Variants in SLC66A2 observed in about 807,000 individuals in gnomAD.
SLC66A2 encodes solute carrier family 66 member 2, also known as PQ loop repeat containing 1.
In SLC66A2, 23 loss-of-function variants were observed where a neutral mutation model predicts 25.5. The ratio of observed to expected loss-of-function variants is 0.90; its 90% CI spans 0.65 to 1.28. The LOEUF is 1.28. Among genes scored for constraint, SLC66A2 ranks in the 50% most tolerant of loss-of-function variants. SLC66A2 has a pLI of 0.00. For missense variants in SLC66A2, 396 were observed against 373.1 expected (o/e 1.06, Z -0.51); for synonymous variants, 193 against 166.5 (o/e 1.16, Z -1.23).
chr18:79,951,058 C>G, intron 1 of SLC66A2, 33 bp from the exon 2 acceptor site: 1 of 607,610 alleles, frequency 1.6e-6, no homozygotes. Flanking sequence ...CGAGTTCCGC[C>G]CAGGGAGGCT....
At chr18:79,905,509 TG>T (rs1981987915) in intron 5 of SLC66A2, among the ~76,000 whole-genome samples, 2 of 152,190 alleles carry the variant, frequency 1.3e-5, no homozygotes, top group South Asian at 4.1e-4. Flanking sequence ...TGACTTGGGG[TG>T]GGGCTCCGGG....
At chr18:79,945,013 G>A (rs2050881743) in intron 2 of SLC66A2, 1 of 153,112 alleles carries the variant, frequency 6.5e-6, no homozygotes, top group East Asian at 1.9e-4. Flanking sequence ...CAGGAACAGG[G>A]GGAACCCCAT....
At chr18:79,905,395 G>T (rs1203772347) in intron 5 of SLC66A2, among the ~76,000 whole-genome samples, 1 of 152,222 alleles carries the variant, frequency 6.6e-6, no homozygotes, top group Non-Finnish European at 1.5e-5. Context: ...GGTAGCACCG[G>T]GGGAAGGTGG....
At chr18:79,910,172 C>T (rs1982853748) in intron 5 of SLC66A2, among the ~76,000 whole-genome samples, 1 of 119,418 alleles carries the variant, frequency 8.4e-6, no homozygotes, top group African/African-American at 3.3e-5. Context: ...ACATCCTCAC[C>T]ATAGAGTCCC....
In SLC66A2 at chr18:79,937,909, C is replaced by A. The variant is rs1433469232; in HGVS notation, c.338-3887G>T. Among the ~76,000 whole-genome samples, 1 of 152,116 alleles carries A rather than the reference C, an allele frequency of 6.6e-6. No homozygotes were observed. Among genetic ancestry groups the A allele is most frequent in the African/African-American group, 2.4e-5 (1 of 41,406 alleles). The stretch of plus-strand genomic sequence containing the variant: ...AATCTTGTTAAAAATGCAGGTGGCA[C>A]TGATGCCGCAATACAGACCACGGGC... On this transcript the variant is annotated intron_variant, in intron 3 of 5. Transcript: ENST00000397778. The surrounding 1 kb of genome is among the most constrained non-coding windows in gnomAD (Gnocchi z 5.4).
Position 79,940,124 on chromosome 18 carries a change from A to G in SLC66A2, c.337+3205T>C, listed in dbSNP as rs962878624. 3.3e-5 allele frequency among the ~76,000 whole-genome samples: 5 copies of G among 152,202 alleles called. No individual in the cohort carries two copies. Among genetic ancestry groups the G allele is most frequent in the African/African-American group, 9.7e-5 (4 of 41,444 alleles). On this transcript the variant is annotated intron_variant, in intron 3 of 5. Transcript: ENST00000397778. This position sits in a 1 kb window ranked among gnomAD's most constrained non-coding sequence, Gnocchi z 4.1. ...AGGCCATCATCCTTAGCAAACTAAC[A>G]CGGGAACAGAAGACCAAATGCCGCA... is the stretch of plus-strand genomic sequence containing the variant.
rs1372516346 is a variant in SLC66A2 at position 79,940,898 on chromosome 18, C to G, written c.337+2431G>C. ...ATGTCCCACTTGAGGTCATTTGGGGCCCAGGAGTCATGCAGCTTGGTTCTC... is the reference window on the plus strand; with the variant it reads ...ATGTCCCACTTGAGGTCATTTGGGGGCCAGGAGTCATGCAGCTTGGTTCTC... On this transcript the variant is annotated intron_variant, in intron 3 of 5. Transcript: ENST00000397778. The surrounding 1 kb of genome is among the most constrained non-coding windows in gnomAD (Gnocchi z 4.1). Among the ~76,000 whole-genome samples the G allele has an allele frequency of 6.6e-6, 1 of 152,140 alleles. No homozygotes were observed. Among genetic ancestry groups the G allele is most frequent in the Non-Finnish European group, 1.5e-5 (1 of 68,030 alleles).
chr18:79,944,572 C>A (rs1374915702), intron 2 of SLC66A2: 1 of 152,392 alleles, frequency 6.6e-6, no homozygotes, highest in East Asian at 1.9e-4. Context: ...GGGACACATG[C>A]CTGCAGAGCC....
intron 5 of SLC66A2, among the ~76,000 whole-genome samples, chr18:79,910,014 A>G (rs1183351626): frequency 1.4e-4 from 10 of 69,336 alleles, no homozygotes; most frequent in Non-Finnish European, 2.8e-4. Context: ...CCTTCCCCAC[A>G]CCCTCACCAG....
rs1014045937 is a variant in SLC66A2 at position 79,927,703 on chromosome 18, AG to A, written c.391+6265del. 1.3e-4 allele frequency among the ~76,000 whole-genome samples: 20 copies of A among 152,072 alleles called. No homozygotes were observed. The highest frequency in any genetic ancestry group is 5.2e-4 in the Admixed American group (8 of 15,282). ...AGTGGGACAGGCTGAGTGGGGACTGAGCACGTCTAGGGCCAGAGTGGGAGGG... is the reference window on the plus strand; with the variant it reads ...AGTGGGACAGGCTGAGTGGGGACTGACACGTCTAGGGCCAGAGTGGGAGGG... On this transcript the variant is annotated intron_variant, in intron 4 of 5. Coordinates refer to ENST00000397778, the MANE Select transcript of SLC66A2 (RefSeq NM_025078.5). The surrounding 1 kb of genome is among the most constrained non-coding windows in gnomAD (Gnocchi z 6.2).
rs568505641 is a variant in SLC66A2 at position 79,927,262 on chromosome 18, G to A, written c.391+6707C>T. 4.1e-4 allele frequency among the ~76,000 whole-genome samples: 62 copies of A among 151,798 alleles called. No individual in the cohort carries two copies. The highest frequency in any genetic ancestry group is 3.4e-3 in the Middle Eastern group (1 of 294). On this transcript the variant is annotated intron_variant, in intron 4 of 5. Coordinates refer to ENST00000397778, the MANE Select transcript of SLC66A2 (RefSeq NM_025078.5). This position sits in a 1 kb window ranked among gnomAD's most constrained non-coding sequence, Gnocchi z 6.2. ...GGCAGGGCTCAGCAGGACCCCAGGC[G>A]GGCACACAGGGGCTCATCTGGAGGG...
chr18:79,940,086 C>T lies in SLC66A2; in HGVS notation c.337+3243G>A, dbSNP rs1246373418. 6.6e-6 allele frequency among the ~76,000 whole-genome samples: 1 copy of T among 152,156 alleles called. No homozygotes were observed. Among genetic ancestry groups the T allele is most frequent in the Non-Finnish European group, 1.5e-5 (1 of 68,044 alleles). ...CAAGATCGTATCCTTTAGAGGAGCA[C>T]AGATGGAGCTGGAGGCCATCATCCT... On this transcript the variant is annotated intron_variant, in intron 3 of 5. Transcript: ENST00000397778. This position sits in a 1 kb window ranked among gnomAD's most constrained non-coding sequence, Gnocchi z 4.1.
chr18:79,948,348 G>A (rs1337906528), intron 2 of SLC66A2, among the ~76,000 whole-genome samples: 1 of 152,004 alleles, frequency 6.6e-6, no homozygotes, highest in Non-Finnish European at 1.5e-5. Flanking sequence ...ATGGACATTA[G>A]ATAGATTCTT....
At chr18:79,909,477 C>G (rs952323467) in intron 5 of SLC66A2, among the ~76,000 whole-genome samples, 9 of 151,610 alleles carry the variant, frequency 5.9e-5, no homozygotes, top group African/African-American at 1.9e-4. Context: ...CCAGAGTCCC[C>G]AACCTTCCCC....
rs1408855595 is a variant in SLC66A2 at position 79,904,167 on chromosome 18, T to G, written c.625A>C (p.Met209Leu). ...TEGMSIKMVLMWTSGDAFKTA... is the reference protein window; with the variant it reads ...TEGMSIKMVLLWTSGDAFKTA... ...TTGAAGGCGTCACCACTGGTCCACA[T>G]GAGCACCATCTTGATGCTGTGGAGA... Residue 209 changes from methionine to leucine, a missense_variant, in exon 6 of 6, where the codon ATG becomes CTG. Met to Leu is a conservative substitution (Grantham distance 15). Transcript: ENST00000397778. The surrounding 1 kb of genome is among the most constrained non-coding windows in gnomAD (Gnocchi z 6.3). 1.2e-6 allele frequency: 2 copies of G among 1,612,782 alleles called. No homozygotes were observed. The highest frequency in any genetic ancestry group is 2.2e-5 in the South Asian group (2 of 91,068).
chr18:79,919,342 G>C lies in SLC66A2; in HGVS notation c.450C>G (p.Val150=). The part of the protein sequence containing the change: ...WSSFSDYVQC[V]LAFTGVAGYI... ...AGCCCGCCACGCCCGTGAAGGCCAG[G>C]ACGCACTGCACGTAGTCCGAGAAGC... Residue 150 remains valine, a synonymous_variant, in exon 5 of 6, where the codon GTC becomes GTG. Transcript: ENST00000397778. The C allele has an allele frequency of 6.2e-7, 1 of 1,613,350 alleles. No homozygotes were observed. Among genetic ancestry groups the C allele is most frequent in the Non-Finnish European group, 8.5e-7 (1 of 1,180,038 alleles).
intron 4 of SLC66A2, among the ~76,000 whole-genome samples, chr18:79,933,424 A>G (rs1355881258): frequency 3.3e-5 from 5 of 152,222 alleles, no homozygotes; most frequent in African/African-American, 9.6e-5. Flanking sequence ...ATAAGCAATA[A>G]AAAGAAATAA....
chr18:79,930,354 G>A (rs1157765136), intron 4 of SLC66A2: 1 of 152,086 alleles, frequency 6.6e-6, no homozygotes, highest in Admixed American at 6.6e-5. Context: ...CTTACATCTA[G>A]TAAAACTTTT....
At chr18:79,924,338 C>T (rs186224751) in intron 4 of SLC66A2, among the ~76,000 whole-genome samples, 47 of 152,326 alleles carry the variant, frequency 3.1e-4, no homozygotes, top group African/African-American at 1.1e-3. Context: ...ACACGGGAAC[C>T]ACACACTAAT....
Sources: allele counts gnomAD v4.1 joint callset (sites outside exome capture counted in the v4.1 genomes callset), GRCh38; gene constraint gnomAD v4.1.1; non-coding constraint Gnocchi (gnomAD v3.1); transcripts MANE v1.5; gene names NCBI Gene and HGNC (gene_info 2026-07-23, HGNC 2026-07-21).